The following LSG1 variants were observed in gnomAD, a reference collection of about 807,000 sequenced individuals.
The protein encoded by LSG1 is large 60S subunit nuclear export GTPase 1.
Under a neutral mutation model 82.6 loss-of-function variants are expected in LSG1, and 55 were observed. The ratio of observed to expected loss-of-function variants is 0.67; its 90% confidence interval spans 0.54 to 0.83. LSG1 has a LOEUF of 0.83. Ranked by LOEUF, LSG1 falls within the 40% of genes least tolerant of loss-of-function variation. LSG1 has a pLI of 0.00. For missense variants in LSG1, 809 were observed against 807.9 expected (o/e 1.00, Z -0.02); for synonymous variants, 272 against 282.5 (o/e 0.96, Z 0.37).
intron 13 of LSG1, among the ~76,000 whole-genome samples, chr3:194,644,286 C>T (rs184535483): frequency 1.3e-4 from 19 of 150,464 alleles, no homozygotes; most frequent in Admixed American, 9.3e-4. Context: ...GGCGTGAACC[C>T]GGGAAGCGGA....
At position 194,642,188 on chromosome 3, in the gene LSG1, ACTCCCGGG is replaced by A. The variant is rs1560217814; in HGVS notation, c.1849_1856del (p.Pro617TrpfsTer11). On this transcript the variant is annotated frameshift_variant, in exon 14 of 14. Coordinates refer to ENST00000265245, the MANE Select transcript of LSG1 (RefSeq NM_018385.3). LOFTEE classifies it high-confidence loss of function. Reference sequence around the variant, plus strand: ...TCGCAGTGGATGCAGTCACTACACCACTCCCGGGCTTGTAACCCATCACAGCCTGGACT... The same window carrying A: ...TCGCAGTGGATGCAGTCACTACACCACTTGTAACCCATCACAGCCTGGACT... 6.2e-7 allele frequency: 1 copy of A among 1,612,434 alleles called. No homozygotes were observed. Among genetic ancestry groups the A allele is most frequent in the Middle Eastern group, 1.7e-4 (1 of 6,022 alleles).
In LSG1 at chr3:194,652,039, G is replaced by A. The variant is rs140202809; in HGVS notation, c.1173+690C>T. ...AACTAGGATTAGCTACACTTAGCAT[G>A]TAACTGAAAAGCTGGGAGACTTTAA... On this transcript the variant is annotated intron_variant, in intron 8 of 13. Transcript: ENST00000265245. Among the ~76,000 whole-genome samples, 4 of 152,334 alleles carry A rather than the reference G, an allele frequency of 2.6e-5. No individual in the cohort carries two copies. The East Asian group carries it at 7.7e-4, about 29-fold the overall frequency.
intron 11 of LSG1, among the ~76,000 whole-genome samples, chr3:194,647,680 T>C (rs566328707): frequency 6.9e-4 from 105 of 152,340 alleles, no homozygotes; most frequent in African/African-American, 2.4e-3. Flanking sequence ...ACAATCAAAC[T>C]GGAAGTTTGG....
At chr3:194,655,498 A>G (rs2108618305) in intron 7 of LSG1, among the ~76,000 whole-genome samples, 1 of 152,334 alleles carries the variant, frequency 6.6e-6, no homozygotes, top group African/African-American at 2.4e-5. Context: ...CTGCCTAAGA[A>G]TGGTAAGTAT....
At position 194,648,756 on chromosome 3, in the gene LSG1, T is replaced by G; in HGVS notation, c.1468A>C (p.Asn490His). The change falls in exon 11 of 14, where the codon AAC becomes CAC. Residue 490 changes from asparagine (N) to histidine (H), a missense_variant. By Grantham distance (68) the Asn-to-His change is moderately conservative. Transcript: ENST00000265245. ...TCATCCTCTCTAGGCGTTATGATGT[T>G]AATGCCATAGGTAGCTTCTAAAACA... Reference protein sequence around the residue: ...RHVLEATYGINIITPREDEDP... With the variant: ...RHVLEATYGIHIITPREDEDP... The G allele has an allele frequency of 6.2e-7, 1 of 1,614,124 alleles. No individual in the cohort carries two copies. The highest frequency in any genetic ancestry group is 8.5e-7 in the Non-Finnish European group (1 of 1,179,974).
intron 13 of LSG1, among the ~76,000 whole-genome samples, chr3:194,643,920 C>A (rs1718451764): frequency 6.6e-6 from 1 of 152,056 alleles, no homozygotes; most frequent in Non-Finnish European, 1.5e-5. Context: ...GTTTAAGATA[C>A]CACGCTAAAT....
rs772781655 is a variant in LSG1 at position 194,644,761 on chromosome 3, T to C, written c.1624-15A>G. 2.5e-6 allele frequency: 4 copies of C among 1,596,020 alleles called. No individual in the cohort carries two copies. Among genetic ancestry groups the C allele is most frequent in the South Asian group, 1.1e-5 (1 of 87,606 alleles). ...AGCAGCTTACCCTACAAAGACAACA[T>C]GAATGACAACAGTGCAGCCTAAGTG... On this transcript the variant is annotated splice_polypyrimidine_tract_variant and intron_variant, in intron 12 of 13. Transcript: ENST00000265245.
rs763267149 is a variant in LSG1, at chr3:194,642,035, C to T, written c.*33G>A. ...CAGCTTCTGCTCTTTTCCATCTGCA[C>T]AATGCAGATGACATTTCTGTTGCAG... On this transcript the variant is annotated 3_prime_UTR_variant, in exon 14 of 14. Transcript: ENST00000265245. 29 of 1,602,962 alleles carry T rather than the reference C, an allele frequency of 1.8e-5. No homozygotes were observed. The highest frequency in any genetic ancestry group is 2.4e-5 in the Non-Finnish European group (28 of 1,173,882).
intron 10 of LSG1, among the ~76,000 whole-genome samples, chr3:194,650,548 A>AT (rs891961436): frequency 5.3e-5 from 8 of 152,208 alleles, no homozygotes; most frequent in African/African-American, 1.4e-4. Context: ...CGTGAGATAG[A>AT]TTTTCCCCCA....
At position 194,671,511 on chromosome 3, in the gene LSG1, A is replaced by C. The variant is rs528079114; in HGVS notation, c.99+553T>G. Among the ~76,000 whole-genome samples, 53 of 152,312 alleles carry C rather than the reference A, an allele frequency of 3.5e-4. 3 individuals carry two copies. The South Asian group carries it at 8.9e-3, about 26-fold the overall frequency. ...GTGAAAATAACGACTAGAATGATGA[A>C]CACAAGCCAAATCACTTCATTCATT... On this transcript the variant is annotated intron_variant, in intron 1 of 13. Transcript: ENST00000265245.
chr3:194,641,263 G>A lies in LSG1; in HGVS notation c.*805C>T, dbSNP rs1464372175. ...GCATATTCAGAGTTGTGTGACCATC[G>A]CTACAGTCAATTTTAGGACATTTTT... On this transcript the variant is annotated 3_prime_UTR_variant, in exon 14 of 14. Coordinates refer to ENST00000265245, the MANE Select transcript of LSG1 (RefSeq NM_018385.3). 4 of 152,130 alleles carry A rather than the reference G, an allele frequency of 2.6e-5. No homozygotes were observed. Among genetic ancestry groups the A allele is most frequent in the Non-Finnish European group, 4.4e-5 (3 of 68,046 alleles). The allele number at this position is 152,130 out of a possible 1,614,324, so 9.4% of individuals were successfully genotyped here.
At position 194,641,213 on chromosome 3, in the gene LSG1, A is replaced by G. The variant is rs1718369801; in HGVS notation, c.*855T>C. The G allele has an allele frequency of 2.0e-5, 3 of 152,218 alleles. No homozygotes were observed. The highest frequency in any genetic ancestry group is 4.4e-5 in the Non-Finnish European group (3 of 68,040). The allele number at this position is 152,218 out of a possible 1,614,324, so 9.4% of individuals were successfully genotyped here. On this transcript the variant is annotated 3_prime_UTR_variant, in exon 14 of 14. Coordinates refer to ENST00000265245, the MANE Select transcript of LSG1 (RefSeq NM_018385.3). ...TACATACCATACAATTCACCAACGT[A>G]AAGTGTGTAATTCAATGGTCTTAAG...
At position 194,641,979 on chromosome 3, in the gene LSG1, A is replaced by T; in HGVS notation, c.*89T>A. The T allele has an allele frequency of 7.1e-7, 1 of 1,399,374 alleles. No homozygotes were observed. The highest frequency in any genetic ancestry group is 9.9e-7 in the Non-Finnish European group (1 of 1,014,718). The allele number at this position is 1,399,374 out of a possible 1,614,324, so 86.7% of individuals were successfully genotyped here. On this transcript the variant is annotated 3_prime_UTR_variant, in exon 14 of 14. Transcript: ENST00000265245. ...AGAGCAGGGCCCGTTCTACAGTGCT[A>T]GTGTCTTGGGACGGTTCCACAGGCA...
chr3:194,645,369 G>T (rs1363342475), intron 12 of LSG1: 2 of 152,178 alleles, frequency 1.3e-5, no homozygotes, highest in African/African-American at 4.8e-5. Flanking sequence ...TTGAGAAGAG[G>T]AGGAAATAAA....
At chr3:194,657,521 A>G (rs1718822142) in intron 7 of LSG1, among the ~76,000 whole-genome samples, 1 of 149,802 alleles carries the variant, frequency 6.7e-6, no homozygotes, top group Admixed American at 6.8e-5. Flanking sequence ...ATGAGCCAAG[A>G]GCAAACAGCT....
rs115562595 is a variant in LSG1, at chr3:194,652,177, T to C, written c.1173+552A>G. Among the ~76,000 whole-genome samples, 800 of 152,336 alleles carry C rather than the reference T, an allele frequency of 5.3e-3. 5 individuals carry two copies. Among genetic ancestry groups the C allele is most frequent in the Non-Finnish European group, 7.2e-3 (492 of 68,028 alleles). The stretch of plus-strand genomic sequence containing the variant: ...CTAAGGATGGGGCCATCTAGAGCCA[T>C]GTCGTAGCCCCTCGGGGTTTGCGCA... On this transcript the variant is annotated intron_variant, in intron 8 of 13. Coordinates refer to ENST00000265245, the MANE Select transcript of LSG1 (RefSeq NM_018385.3).
intron 7 of LSG1, among the ~76,000 whole-genome samples, chr3:194,657,832 A>C (rs1197665395): frequency 6.6e-6 from 1 of 152,148 alleles, no homozygotes; most frequent in Non-Finnish European, 1.5e-5. Flanking sequence ...GAATGGAAGA[A>C]CTTTCTACAT....
chr3:194,654,937 T>C (rs73890195), intron 7 of LSG1, among the ~76,000 whole-genome samples: 9,167 of 152,230 alleles, frequency 0.06, 312 homozygotes, highest in Middle Eastern at 0.1. Flanking sequence ...ACAACTGAAG[T>C]TGAACAACTA....
chr3:194,669,498 C>T (rs140437500), intron 2 of LSG1, among the ~76,000 whole-genome samples: 62 of 152,318 alleles, frequency 4.1e-4, no homozygotes, highest in African/African-American at 1.5e-3. Context: ...GTGCTCATCA[C>T]ATCCCGCCCC....
Sources: allele counts gnomAD v4.1 joint callset (sites outside exome capture counted in the v4.1 genomes callset), GRCh38; gene constraint gnomAD v4.1.1; transcripts MANE v1.5; gene names NCBI Gene and HGNC (gene_info 2026-07-23, HGNC 2026-07-21).